ZNF334: variants seen among roughly 807,000 people sequenced by gnomAD.
ZNF334 encodes zinc finger protein 334.
Under a neutral mutation model 12.4 loss-of-function variants are expected in ZNF334, and 14 were observed. The ratio of observed to expected loss-of-function variants is 1.13; its 90% CI spans 0.74 to 1.76. The LOEUF (loss-of-function observed/expected upper bound fraction) is 1.76, where lower values mean the gene tolerates loss of function less well. Ranked by LOEUF, ZNF334 falls within the 40% of genes most tolerant of loss-of-function variation. The probability of loss-of-function intolerance (pLI) is 0.00; values close to 1 mark genes in which losing one functional copy is unlikely to be tolerated. For missense variants in ZNF334, 797 were observed against 804.5 expected (o/e 0.99, Z 0.11); for synonymous variants, 273 against 269.6 (o/e 1.01, Z -0.12).
At chr20:46,468,283 T>C in the ZNF334 span, among the ~76,000 whole-genome samples, 1 of 152,020 alleles carries the variant, frequency 6.6e-6, no homozygotes, top group South Asian at 2.1e-4. Flanking sequence ...ACCCACATTT[T>C]TTTTTTTTTT....
chr20:46,510,237 G>C (rs2061595041), intron 2 of ZNF334, among the ~76,000 whole-genome samples: 1 of 152,126 alleles, frequency 6.6e-6, no homozygotes, highest in South Asian at 2.1e-4. Context: ...TCAGTGTGAA[G>C]AACAGCCTTG....
rs920549669 is a variant in ZNF334, at chr20:46,500,180, T to C, written c.*1116A>G. On this transcript the variant is annotated 3_prime_UTR_variant, in exon 5 of 5. Transcript: ENST00000692313. ...AGTTACCCATCACTATCTTACCAAC[T>C]AGATAAGCCCACTTCCTCATGCCTG... The C allele has an allele frequency of 6.6e-6, 1 of 152,122 alleles. No individual in the cohort carries two copies. The highest frequency in any genetic ancestry group is 6.5e-5 in the Admixed American group (1 of 15,272). 9.4% of individuals were successfully genotyped at this position (152,122 alleles called of 1,614,324 possible).
chr20:46,503,851 TA>T (rs1051684080), intron 4 of ZNF334, among the ~76,000 whole-genome samples: 1 of 152,082 alleles, frequency 6.6e-6, no homozygotes, highest in African/African-American at 2.4e-5. Flanking sequence ...GGAAGACAAT[TA>T]AAAAGATCAT....
At chr20:46,488,925 C>T in the ZNF334 span, among the ~76,000 whole-genome samples, 3 of 151,452 alleles carry the variant, frequency 2.0e-5, no homozygotes, top group Non-Finnish European at 4.4e-5. Flanking sequence ...CGTCTTTTTC[C>T]CCCCTCTGGT....
the ZNF334 span, among the ~76,000 whole-genome samples, chr20:46,488,322 G>A: frequency 1.4e-5 from 2 of 148,086 alleles, no homozygotes; most frequent in African/African-American, 2.5e-5. Flanking sequence ...GTTGGGATTT[G>A]AGTTTATGGT....
chr20:46,508,721 G>A (rs2061530319), intron 2 of ZNF334, among the ~76,000 whole-genome samples: 2 of 152,194 alleles, frequency 1.3e-5, no homozygotes, highest in African/African-American at 2.4e-5. Context: ...GGATGGTAGA[G>A]ACACTGCAAC....
chr20:46,474,171 G>A, the ZNF334 span, among the ~76,000 whole-genome samples: 4 of 152,012 alleles, frequency 2.6e-5, no homozygotes, highest in Admixed American at 1.3e-4. Context: ...TCAGGAATTC[G>A]AGACCAGCCT....
chr20:46,480,768 G>A, the ZNF334 span, among the ~76,000 whole-genome samples: 2 of 152,160 alleles, frequency 1.3e-5, no homozygotes, highest in Non-Finnish European at 2.9e-5. Context: ...TGCATGCTGG[G>A]CTTGCTAGCT....
At chr20:46,472,127 T>C in the ZNF334 span, among the ~76,000 whole-genome samples, 1 of 152,210 alleles carries the variant, frequency 6.6e-6, no homozygotes, top group African/African-American at 2.4e-5. Context: ...CTTTCCAGCA[T>C]AATAGCCAAA....
chr20:46,510,091 G>A (rs1283154960), intron 2 of ZNF334, among the ~76,000 whole-genome samples: 2 of 152,156 alleles, frequency 1.3e-5, no homozygotes, highest in Non-Finnish European at 2.9e-5. Context: ...CTGAGAAGAG[G>A]CAGGAAACGG....
At chr20:46,489,649 C>A in the ZNF334 span, among the ~76,000 whole-genome samples, 21 of 90,704 alleles carry the variant, frequency 2.3e-4, no homozygotes, top group South Asian at 1.2e-3. Flanking sequence ...CAGACTCTCT[C>A]AAAAAAAAAA....
the ZNF334 span, among the ~76,000 whole-genome samples, chr20:46,475,235 G>C: frequency 6.6e-6 from 1 of 152,084 alleles, no homozygotes; most frequent in Non-Finnish European, 1.5e-5. Flanking sequence ...TCAGCAAATG[G>C]TGCTGGAGCA....
chr20:46,504,380 A>G (rs1202714429), intron 3 of ZNF334, 74 bp from the exon 4 acceptor site: 1 of 1,370,468 alleles, frequency 7.3e-7, no homozygotes, highest in Non-Finnish European at 1.0e-6. Flanking sequence ...AAGAAAGTAC[A>G]GCTTCAGAAG....
downstream of ZNF334, among the ~76,000 whole-genome samples, chr20:46,496,893 T>C (rs2061034739): frequency 6.6e-6 from 1 of 152,208 alleles, no homozygotes; most frequent in African/African-American, 2.4e-5. Flanking sequence ...GCCACAGCTT[T>C]GTCTGTGGGT....
the ZNF334 span, among the ~76,000 whole-genome samples, chr20:46,469,283 T>A: frequency 5.9e-5 from 9 of 151,884 alleles, no homozygotes; most frequent in Admixed American, 4.6e-4. Context: ...GGCAAGTAGA[T>A]GAGTTTATTA....
chr20:46,477,357 G>A, the ZNF334 span: 14 of 150,954 alleles, frequency 9.3e-5, no homozygotes, highest in African/African-American at 3.2e-4. Flanking sequence ...TTTTTTTCAC[G>A]TGACAGGATC....
rs1267895089 is a variant in ZNF334 at position 46,504,516 on chromosome 20, C to T, written c.148+98G>A. ...AAAAGGGTTTAATCTTCTTGCTCCC[C>T]TGATGCTCAGGGCTAAATAAATTCT... On this transcript the variant is annotated intron_variant, in intron 3 of 4. Transcript: ENST00000692313. 6 of 1,453,526 alleles carry T rather than the reference C, an allele frequency of 4.1e-6. No individual in the cohort carries two copies. In the East Asian group the frequency reaches 6.9e-5, roughly 17 times the overall value. The allele number at this position is 1,453,526 out of a possible 1,614,324, so 90.0% of individuals were successfully genotyped here.
chr20:46,481,125 GAAGA>G, the ZNF334 span: 1 of 152,226 alleles, frequency 6.6e-6, no homozygotes, highest in African/African-American at 2.4e-5. Flanking sequence ...AACAGGAGGT[GAAGA>G]ATGAAAAGGA....
the ZNF334 span, among the ~76,000 whole-genome samples, chr20:46,474,915 A>G: frequency 1.3e-5 from 2 of 152,212 alleles, 1 homozygote; most frequent in Admixed American, 1.3e-4. Context: ...TTAGTGAGAG[A>G]GACAGAGAGA....
Sources: gnomAD v4.1 joint callset for allele counts (sites outside exome capture counted in the v4.1 genomes callset) on GRCh38, gnomAD v4.1.1 for gene constraint, MANE v1.5 for transcripts, NCBI Gene and HGNC (gene_info 2026-07-23, HGNC 2026-07-21) for gene names.